The following TOP2B variants were observed in gnomAD, a reference collection of about 807,000 sequenced individuals.
TOP2B encodes the protein DNA topoisomerase II beta, also known as DNA topoisomerase 2-beta.
In TOP2B, 51 loss-of-function variants were observed where a neutral mutation model predicts 193.5. The observed-to-expected ratio is 0.26, with a 90% CI of 0.21 to 0.33. The LOEUF is 0.33. Among genes scored for constraint, TOP2B ranks in the 10% least tolerant of loss-of-function variants. The pLI is 1.00. For missense variants in TOP2B, 1,378 were observed against 1,909.3 expected, an observed-to-expected ratio of 0.72 and a Z score of 5.19; for synonymous variants, 634 against 635.7, an observed-to-expected ratio of 1.00 and a Z score of 0.04.
Position 25,598,115 on chromosome 3 carries a change from C to CAT in TOP2B, c.*190_*191dup. On this transcript the variant is annotated 3_prime_UTR_variant, in exon 36 of 36. Coordinates refer to ENST00000264331, the MANE Select transcript of TOP2B (RefSeq NM_001330700.2). Reference sequence around the variant, plus strand: ...TACAAGCCAATCAGACAGTACGTGACATTTCAATGAGTAAAAAAGAGCATA... The same window carrying CAT: ...TACAAGCCAATCAGACAGTACGTGACATATTTCAATGAGTAAAAAAGAGCATA... 1 of 524,718 alleles carries CAT rather than the reference C, an allele frequency of 1.9e-6. No individual in the cohort carries two copies. Among genetic ancestry groups the CAT allele is most frequent in the East Asian group, 3.3e-5 (1 of 30,640 alleles). The allele number at this position is 524,718 out of a possible 1,614,324, so 32.5% of individuals were successfully genotyped here.
intron 7 of TOP2B, among the ~76,000 whole-genome samples, chr3:25,635,379 G>C (rs958395522): frequency 2.0e-5 from 3 of 152,124 alleles, no homozygotes; most frequent in African/African-American, 7.2e-5. Context: ...GCGATTATCA[G>C]AAACAGAGTA....
chr3:25,618,552 C>A, intron 24 of TOP2B, 43 bp from the exon 25 acceptor site: 3 of 1,561,558 alleles, frequency 1.9e-6, no homozygotes, highest in Non-Finnish European at 2.6e-6. Context: ...ATAAGAGATT[C>A]AATTTGTATT....
intron 4 of TOP2B, among the ~76,000 whole-genome samples, chr3:25,639,473 A>G (rs1240512952): frequency 6.6e-6 from 1 of 152,040 alleles, no homozygotes; most frequent in African/African-American, 2.4e-5. Flanking sequence ...ACGACTGGCT[A>G]ATTTTTGTAT....
At chr3:25,634,950 C>A (rs1176938117) in intron 7 of TOP2B, among the ~76,000 whole-genome samples, 14 of 151,938 alleles carry the variant, frequency 9.2e-5, no homozygotes. Context: ...AGGTCAAACC[C>A]CTGAGATACA....
intron 21 of TOP2B, 39 bp downstream of exon 21, chr3:25,623,476 T>G: frequency 1.3e-6 from 2 of 1,557,536 alleles, no homozygotes; most frequent in Non-Finnish European, 1.8e-6. Context: ...GTTTACACAT[T>G]ATCATTTGTT....
chr3:25,627,367 G>C, intron 15 of TOP2B, 71 bp from the exon 16 acceptor site: 2 of 1,006,604 alleles, frequency 2.0e-6, no homozygotes, highest in Non-Finnish European at 2.9e-6. Context: ...GTAAAAAGCT[G>C]GTGGAAAAGT....
chr3:25,621,839 A>C (rs970815089), intron 21 of TOP2B, among the ~76,000 whole-genome samples: 1 of 152,058 alleles, frequency 6.6e-6, no homozygotes, highest in Non-Finnish European at 1.5e-5. Flanking sequence ...AAATACAAAA[A>C]TTAGACAGGC....
At chr3:25,664,118 G>A (rs1704007861) in intron 1 of TOP2B, 111 bp downstream of exon 1, 8 of 1,486,578 alleles carry the variant, frequency 5.4e-6, no homozygotes, top group Non-Finnish European at 7.2e-6. Flanking sequence ...TGGAGCGCCC[G>A]TTCGGGGGAC....
chr3:25,638,314 T>TTA lies in TOP2B; in HGVS notation c.396-5_396-4insTA, dbSNP rs1703160557. The TTA allele has an allele frequency of 7.0e-5, 9 of 129,164 alleles. No homozygotes were observed. In the African/African-American group the frequency reaches 9.0e-4, roughly 13 times the overall value. The allele number at this position is 129,164 out of a possible 1,614,324, so 8.0% of individuals were successfully genotyped here. A position where few individuals can be genotyped will look rare whatever the true frequency, so the allele number is the denominator to read the frequency against. On this transcript the variant is annotated splice_polypyrimidine_tract_variant and splice_region_variant and intron_variant, in intron 4 of 35. Transcript: ENST00000264331. ...AATGCTTATAATGTTAGATTCACTGTAAAAAAAAAAAAAAAAAAAAAAAAA... is the reference window on the plus strand; with the variant it reads ...AATGCTTATAATGTTAGATTCACTGTTAAAAAAAAAAAAAAAAAAAAAAAAAA...
At chr3:25,615,379 TAC>T in intron 26 of TOP2B, 50 bp downstream of exon 26, 2 of 1,539,338 alleles carry the variant, frequency 1.3e-6, no homozygotes, top group Non-Finnish European at 1.7e-6. Flanking sequence ...AAGAAAAAGA[TAC>T]AGATAACACT....
chr3:25,605,936 A>G (rs1023936029), intron 32 of TOP2B, 107 bp downstream of exon 32: 1 of 575,976 alleles, frequency 1.7e-6, no homozygotes, highest in Admixed American at 4.2e-5. Context: ...TTTTCTACTC[A>G]TTAAAAATTC....
At position 25,664,405 on chromosome 3, in the gene TOP2B, C is replaced by T; in HGVS notation, c.-108G>A. On this transcript the variant is annotated 5_prime_UTR_variant, in exon 1 of 36. Coordinates refer to ENST00000264331, the MANE Select transcript of TOP2B (RefSeq NM_001330700.2). ...CACCCACCGCTCCACTCGCCGCACT[C>T]CTAGCCGCGCCGACCCCCGCGCCCC... is the stretch of plus-strand genomic sequence containing the variant. 2.3e-6 allele frequency: 3 copies of T among 1,297,162 alleles called. No homozygotes were observed. In the South Asian group the frequency reaches 7.1e-5, roughly 31 times the overall value. The allele number at this position is 1,297,162 out of a possible 1,614,324, so 80.4% of individuals were successfully genotyped here.
chr3:25,607,425 T>A, intron 30 of TOP2B, 50 bp from the exon 31 acceptor site: 1 of 1,521,708 alleles, frequency 6.6e-7, no homozygotes, highest in Non-Finnish European at 8.9e-7. Context: ...TAGCTTTGTA[T>A]ACATGAATTA....
At chr3:25,638,687 A>AT (rs2125388834) in intron 4 of TOP2B, among the ~76,000 whole-genome samples, 1 of 152,146 alleles carries the variant, frequency 6.6e-6, no homozygotes. Context: ...CTGTAAGTTA[A>AT]TTATCTTCAT....
chr3:25,639,752 G>A (rs1703206623), intron 4 of TOP2B, among the ~76,000 whole-genome samples: 1 of 152,150 alleles, frequency 6.6e-6, no homozygotes, highest in South Asian at 2.1e-4. Flanking sequence ...ATTCTGCATG[G>A]CATCCCTTGT....
rs540714547 is a variant in TOP2B at position 25,625,627 on chromosome 3, C to T, written c.2225-824G>A. Among the ~76,000 whole-genome samples the T allele has an allele frequency of 2.0e-5, 3 of 152,160 alleles. No homozygotes were observed. The East Asian group carries it at 5.8e-4, about 29-fold the overall frequency. On this transcript the variant is annotated intron_variant, in intron 18 of 35. Transcript: ENST00000264331. ...TTTTTGTTTTAAGCTCATCAGCTAT[C>T]GTTAGTGTTAGTGTATTTTTACATG...
chr3:25,632,320 T>C, intron 10 of TOP2B, 126 bp downstream of exon 10: 4 of 745,248 alleles, frequency 5.4e-6, no homozygotes, highest in Non-Finnish European at 8.6e-6. Context: ...TATTAGTTTG[T>C]AGTGCAAGCA....
At chr3:25,619,757 A>AAAT in intron 23 of TOP2B, 105 bp downstream of exon 23, 3 of 697,638 alleles carry the variant, frequency 4.3e-6, no homozygotes, top group Non-Finnish European at 4.6e-6. Flanking sequence ...AAAAAAAAAA[A>AAAT]TGCCTTCAGG....
chr3:25,626,972 A>G, intron 16 of TOP2B, 108 bp from the exon 17 acceptor site: 1 of 757,368 alleles, frequency 1.3e-6, no homozygotes. Flanking sequence ...CTGGAAAATT[A>G]GGTTATTTTA....
Sources: allele counts gnomAD v4.1 joint callset (sites outside exome capture counted in the v4.1 genomes callset), GRCh38; gene constraint gnomAD v4.1.1; transcripts MANE v1.5; gene names NCBI Gene and HGNC (gene_info 2026-07-23, HGNC 2026-07-21).